Variants in TLE4 observed in about 807,000 individuals in gnomAD.
The protein encoded by TLE4 is transducin-like enhancer protein 4.
A neutral mutation model predicts 92.8 loss-of-function variants in TLE4; 8 were observed. That is an observed-to-expected ratio of 0.09 (90% CI 0.05 to 0.16). The LOEUF (loss-of-function observed/expected upper bound fraction) is 0.16. TLE4 is among the 10% of genes least tolerant of loss of function. The pLI, the probability that TLE4 is intolerant of heterozygous loss-of-function variation, is 1.00. For missense variants in TLE4, 675 were observed against 997.6 expected (o/e 0.68, Z 4.36); for synonymous variants, 371 against 374.1 (o/e 0.99, Z 0.10).
At chr9:79,638,992 A>G (rs188307031) in intron 6 of TLE4, among the ~76,000 whole-genome samples, 78 of 152,268 alleles carry the variant, frequency 5.1e-4, no homozygotes, top group Non-Finnish European at 8.4e-4. Flanking sequence ...ACTGTGGGCA[A>G]GTGACCCTAT....
rs567965796 is a variant in TLE4, at chr9:79,579,141, T to C, written c.252+2964T>C. 1.4e-3 allele frequency among the ~76,000 whole-genome samples: 208 copies of C among 152,258 alleles called. 1 individual carries two copies. The highest frequency in any genetic ancestry group is 6.8e-3 in the Middle Eastern group (2 of 294). On this transcript the variant is annotated intron_variant, in intron 4 of 19. Transcript: ENST00000376552. ...CTTATTCCCTAAGGATTTCCCTAAG[T>C]GTATGGTTTTTGTTTTTTGTTTTGT...
At chr9:79,618,653 T>G (rs2050216377) in intron 5 of TLE4, among the ~76,000 whole-genome samples, 1 of 151,900 alleles carries the variant, frequency 6.6e-6, no homozygotes, top group Non-Finnish European at 1.5e-5. Flanking sequence ...TCCATGACTG[T>G]TTTTTTTGGT....
At chr9:79,654,354 C>G (rs540774075) in intron 8 of TLE4, among the ~76,000 whole-genome samples, 1 of 149,782 alleles carries the variant, frequency 6.7e-6, no homozygotes, top group South Asian at 2.2e-4. Flanking sequence ...AAAAAAATAA[C>G]TGCTTTTCTT....
At chr9:79,690,387 A>T (rs983213838) in intron 8 of TLE4, among the ~76,000 whole-genome samples, 3 of 152,108 alleles carry the variant, frequency 2.0e-5, no homozygotes, top group African/African-American at 7.2e-5. Flanking sequence ...ACCTTTATCT[A>T]AGTTTTTTGA....
chr9:79,662,224 A>G (rs2060630834), intron 8 of TLE4, among the ~76,000 whole-genome samples: 1 of 152,182 alleles, frequency 6.6e-6, no homozygotes, highest in African/African-American at 2.4e-5. Flanking sequence ...AAATGGACTC[A>G]TTATTTAATT....
chr9:79,682,151 A>G (rs979449505), intron 8 of TLE4, among the ~76,000 whole-genome samples: 2 of 152,170 alleles, frequency 1.3e-5, no homozygotes, highest in Non-Finnish European at 2.9e-5. Flanking sequence ...AAATAAATAT[A>G]CAGGCTCTTT....
At chr9:79,707,198 T>A in intron 11 of TLE4, 1 of 1,612,746 alleles carries the variant, frequency 6.2e-7, no homozygotes, top group Non-Finnish European at 8.5e-7. Context: ...ACAGAGATGG[T>A]TTTGTCGCCT....
intron 6 of TLE4, among the ~76,000 whole-genome samples, chr9:79,645,394 G>C (rs1027919167): frequency 1.3e-5 from 2 of 152,122 alleles, no homozygotes; most frequent in African/African-American, 4.8e-5. Flanking sequence ...GCCTTCAATT[G>C]GAAATGCCCA....
intron 14 of TLE4, among the ~76,000 whole-genome samples, chr9:79,717,647 G>A (rs1405508745): frequency 2.0e-5 from 3 of 152,170 alleles, no homozygotes; most frequent in African/African-American, 7.2e-5. Context: ...ATTAAGGAAC[G>A]ATAAACTGTT....
chr9:79,631,100 A>G (rs1231970708), intron 6 of TLE4, among the ~76,000 whole-genome samples: 1 of 152,168 alleles, frequency 6.6e-6, no homozygotes, highest in Non-Finnish European at 1.5e-5. Context: ...GAAATGCTGA[A>G]CCTCAATTTT....
rs1475891447 is a variant in TLE4, at chr9:79,706,759, C to T, written c.796C>T (p.Pro266Ser). 1 of 1,613,432 alleles carries T rather than the reference C, an allele frequency of 6.2e-7. No homozygotes were observed. The highest frequency in any genetic ancestry group is 8.5e-7 in the Non-Finnish European group (1 of 1,179,740). Residue 266 changes from proline to serine, a missense_variant, in exon 11 of 20, where the codon CCT becomes TCT. This residue lies in a region of TLE4 where 280 missense variants were observed against 287.3 expected (regional missense o/e 0.97). Transcript: ENST00000376552. ...VDVSNEDPSS[P>S]RGSPAHSPRE... is the part of the protein sequence containing the mutation. The stretch of plus-strand genomic sequence containing the variant: ...TGTTCCTTTGTAGGATCCATCTTCC[C>T]CTCGAGGGAGCCCAGCACATTCCCC...
chr9:79,616,975 A>G (rs1290644098), intron 5 of TLE4, among the ~76,000 whole-genome samples: 1 of 152,214 alleles, frequency 6.6e-6, no homozygotes, highest in African/African-American at 2.4e-5. Context: ...TATTATATGT[A>G]TCAAAATGTA....
chr9:79,594,171 A>C (rs1403428766), intron 4 of TLE4, among the ~76,000 whole-genome samples: 1 of 152,234 alleles, frequency 6.6e-6, no homozygotes, highest in Non-Finnish European at 1.5e-5. Flanking sequence ...CTCAAAATTC[A>C]ATGTGCATAC....
At chr9:79,650,205 T>C (rs942184662) in intron 6 of TLE4, among the ~76,000 whole-genome samples, 1 of 152,156 alleles carries the variant, frequency 6.6e-6, no homozygotes, top group Non-Finnish European at 1.5e-5. Context: ...CGTGAGCCAC[T>C]GCGCCAGGCT....
intron 5 of TLE4, among the ~76,000 whole-genome samples, chr9:79,622,188 C>G (rs1052601201): frequency 1.2e-4 from 19 of 152,128 alleles, no homozygotes; most frequent in African/African-American, 4.6e-4. Context: ...CATTTCCATG[C>G]TACACTCATG....
intron 4 of TLE4, among the ~76,000 whole-genome samples, chr9:79,609,849 TTG>T (rs375735340): frequency 1.9e-3 from 282 of 152,176 alleles, no homozygotes; most frequent in African/African-American, 6.5e-3. Flanking sequence ...ATAAATTTGA[TTG>T]GAAGCTAACA....
chr9:79,697,723 A>G (rs1445541362), intron 8 of TLE4, among the ~76,000 whole-genome samples: 1 of 152,150 alleles, frequency 6.6e-6, no homozygotes, highest in Non-Finnish European at 1.5e-5. Context: ...ATAAATTATT[A>G]GAGCGTTTTA....
intron 4 of TLE4, among the ~76,000 whole-genome samples, chr9:79,579,325 T>C (rs1446318066): frequency 6.6e-6 from 1 of 152,220 alleles, no homozygotes; most frequent in East Asian, 1.9e-4. Flanking sequence ...TCTTCCCATC[T>C]TTCACCTGTA....
At chr9:79,606,184 G>GTTTTTTTTTTTT (rs1288414778) in intron 4 of TLE4, among the ~76,000 whole-genome samples, 3 of 18,374 alleles carry the variant, frequency 1.6e-4, no homozygotes, top group South Asian at 2.4e-3. Flanking sequence ...AGCAGTAGTA[G>GTTTTTTTTTTTT]TTGTTTTTTT....
Sources: allele counts gnomAD v4.1 joint callset (sites outside exome capture counted in the v4.1 genomes callset), GRCh38; gene constraint gnomAD v4.1.1; regional missense constraint gnomAD v4.1.1; transcripts MANE v1.5; gene names NCBI Gene and HGNC (gene_info 2026-07-23, HGNC 2026-07-21).